Variants in SYT9 observed in about 807,000 individuals in gnomAD.
SYT9 encodes the protein synaptotagmin-9.
Under a neutral mutation model 48.4 loss-of-function variants are expected in SYT9, and 22 were observed. The observed-to-expected ratio is 0.45, with a 90% CI of 0.32 to 0.65. The LOEUF (loss-of-function observed/expected upper bound fraction) is 0.65. Among genes scored for constraint, SYT9 ranks in the 30% least tolerant of loss-of-function variants. SYT9 has a pLI of 0.03. For synonymous variants in SYT9, 265 were observed against 245.0 expected (o/e 1.08, Z -0.76); for missense variants, 577 against 622.0 (o/e 0.93, Z 0.77).
intron 3 of SYT9, among the ~76,000 whole-genome samples, chr11:7,315,228 T>G (rs552995582): frequency 1.7e-4 from 26 of 152,362 alleles, no homozygotes; most frequent in African/African-American, 5.8e-4. Flanking sequence ...ATAGGTCTCT[T>G]TATCTTAAAA....
At chr11:7,298,278 T>C (rs1316441788) in intron 1 of SYT9, among the ~76,000 whole-genome samples, 1 of 152,194 alleles carries the variant, frequency 6.6e-6, no homozygotes, top group Non-Finnish European at 1.5e-5. Context: ...AATTTTTCTT[T>C]TATTTCACCA....
At chr11:7,332,708 T>C (rs1849561626) in intron 3 of SYT9, among the ~76,000 whole-genome samples, 1 of 152,216 alleles carries the variant, frequency 6.6e-6, no homozygotes, top group South Asian at 2.1e-4. Flanking sequence ...CAGGTTGGCT[T>C]TGCAGAGAGC....
intron 1 of SYT9, among the ~76,000 whole-genome samples, chr11:7,292,579 G>A (rs1183383253): frequency 6.6e-6 from 1 of 152,184 alleles, no homozygotes; most frequent in Non-Finnish European, 1.5e-5. Context: ...CCCACTTCCT[G>A]TGGACACACC....
intron 3 of SYT9, among the ~76,000 whole-genome samples, chr11:7,412,737 G>T (rs974007108): frequency 6.6e-6 from 1 of 152,180 alleles, no homozygotes; most frequent in Admixed American, 6.5e-5. Flanking sequence ...CAGACTTGAT[G>T]TGGGCAATGG....
chr11:7,382,017 T>C (rs1290579614), intron 3 of SYT9, among the ~76,000 whole-genome samples: 1 of 152,146 alleles, frequency 6.6e-6, no homozygotes, highest in East Asian at 1.9e-4. Flanking sequence ...TGAAGCCTTT[T>C]GTGGGCACTC....
At chr11:7,435,732 G>A (rs1302833133) in intron 6 of SYT9, 1 of 152,242 alleles carries the variant, frequency 6.6e-6, no homozygotes, top group African/African-American at 2.4e-5. Context: ...TGTAATCCCA[G>A]CACTTTGGGA....
chr11:7,284,141 A>G (rs913134417), intron 1 of SYT9, among the ~76,000 whole-genome samples: 1 of 152,192 alleles, frequency 6.6e-6, no homozygotes, highest in Non-Finnish European at 1.5e-5. Context: ...ATAAACAAGG[A>G]AAGCATCTTT....
At chr11:7,248,390 C>T (rs980402119), upstream of SYT9, among the ~76,000 whole-genome samples, 36 of 152,074 alleles carry the variant, frequency 2.4e-4, 1 homozygote, top group African/African-American at 7.2e-4. Flanking sequence ...TTCTTGGTCA[C>T]GAAATCCTTG....
At chr11:7,413,485 C>T (rs1024051035) in intron 3 of SYT9, among the ~76,000 whole-genome samples, 1 of 152,156 alleles carries the variant, frequency 6.6e-6, no homozygotes, top group African/African-American at 2.4e-5. Context: ...GAGGGGCTCT[C>T]CTGTCAGTAA....
intron 3 of SYT9, among the ~76,000 whole-genome samples, chr11:7,329,677 G>T (rs1849494148): frequency 6.6e-6 from 1 of 152,190 alleles, no homozygotes; most frequent in Non-Finnish European, 1.5e-5. Context: ...CTCAAGAAAA[G>T]TAATGAAAGC....
In SYT9 at chr11:7,313,424, T is replaced by C. The variant is rs1366108572; in HGVS notation, c.527T>C (p.Leu176Ser). 1.2e-6 allele frequency: 2 copies of C among 1,613,046 alleles called. No homozygotes were observed. Among genetic ancestry groups the C allele is most frequent in the South Asian group, 1.1e-5 (1 of 90,800 alleles). The change falls in exon 3 of 7, where the codon TTG becomes TCG. Residue 176 changes from leucine to serine, a missense_variant. Transcript: ENST00000318881. ...RHNSIRRQLN[L>S]SNPDFNIQQL... is the part of the protein sequence containing the mutation. ...AATTCAATCCGAAGACAACTCAACT[T>C]GTCAAACCCGGACTTCAATATCCAG...
At chr11:7,287,172 G>T (rs1396455276) in intron 1 of SYT9, among the ~76,000 whole-genome samples, 1 of 152,144 alleles carries the variant, frequency 6.6e-6, no homozygotes, top group Non-Finnish European at 1.5e-5. Context: ...TTACAATCAT[G>T]GCAGAAGGGG....
intron 1 of SYT9, among the ~76,000 whole-genome samples, chr11:7,285,985 G>A (rs1051622542): frequency 7.9e-5 from 12 of 152,112 alleles, no homozygotes; most frequent in African/African-American, 2.4e-4. Context: ...CTGCTTTCAC[G>A]GGCAGGTGTT....
At chr11:7,365,905 G>T (rs1850231501) in intron 3 of SYT9, among the ~76,000 whole-genome samples, 1 of 152,202 alleles carries the variant, frequency 6.6e-6, no homozygotes, top group African/African-American at 2.4e-5. Context: ...ATGCCACACT[G>T]GTGGCCCTTG....
At chr11:7,335,291 T>C (rs1221743319) in intron 3 of SYT9, among the ~76,000 whole-genome samples, 2 of 152,166 alleles carry the variant, frequency 1.3e-5, no homozygotes, top group Admixed American at 6.5e-5. Flanking sequence ...CTGTACAAAA[T>C]CTTTGGTCAA....
At chr11:7,404,482 C>G (rs1331199695) in intron 3 of SYT9, among the ~76,000 whole-genome samples, 1 of 151,950 alleles carries the variant, frequency 6.6e-6, no homozygotes, top group Admixed American at 6.6e-5. Flanking sequence ...TTTATTTTAG[C>G]CAATTCTTTC....
intron 3 of SYT9, among the ~76,000 whole-genome samples, chr11:7,369,526 T>C (rs1214355472): frequency 6.6e-6 from 1 of 152,192 alleles, no homozygotes; most frequent in African/African-American, 2.4e-5. Context: ...CAATTGCTTT[T>C]GGTGTTTTAG....
chr11:7,338,010 A>G (rs975442425), intron 3 of SYT9, among the ~76,000 whole-genome samples: 8 of 152,102 alleles, frequency 5.3e-5, no homozygotes, highest in African/African-American at 1.9e-4. Context: ...TTTGGTTGGT[A>G]GGTTATTTAT....
chr11:7,415,108 TG>T lies in SYT9; in HGVS notation c.1045-930del, dbSNP rs943899219. Among the ~76,000 whole-genome samples, 370 of 137,636 alleles carry T rather than the reference TG, an allele frequency of 2.7e-3. 2 individuals carry two copies. Among genetic ancestry groups the T allele is most frequent in the Admixed American group, 0.014 (199 of 14,384 alleles). 90.3% of individuals were successfully genotyped at this position (137,636 alleles called of 152,430 possible). ...AGATATCTTCCCCAGTGGAGGGAAA[TG>T]GGGAGTCTTTAGAGGCACGCCAGCA... On this transcript the variant is annotated intron_variant, in intron 3 of 6. Transcript: ENST00000318881.
Sources: allele counts gnomAD v4.1 joint callset (sites outside exome capture counted in the v4.1 genomes callset), GRCh38; gene constraint gnomAD v4.1.1; transcripts MANE v1.5; gene names NCBI Gene and HGNC (gene_info 2026-07-23, HGNC 2026-07-21).